The following DDX47 variants were observed in gnomAD, a reference collection of about 807,000 sequenced individuals.
DDX47 encodes the protein DEAD-box helicase 47.
A neutral mutation model predicts 58.8 loss-of-function variants in DDX47; 60 were observed. The ratio of observed to expected loss-of-function variants is 1.02; its 90% CI spans 0.83 to 1.26. DDX47 has a LOEUF of 1.26. Among genes scored for constraint, DDX47 ranks in the 50% most tolerant of loss-of-function variants. The probability of loss-of-function intolerance (pLI) is 0.00; values close to 1 mark genes in which losing one functional copy is unlikely to be tolerated. For synonymous variants in DDX47, 197 were observed against 204.6 expected (o/e 0.96, Z 0.32); for missense variants, 530 against 573.2 (o/e 0.92, Z 0.77).
At chr12:12,827,132 C>T (rs1216038936) in intron 10 of DDX47, 114 bp from the exon 11 acceptor site, 11 of 1,283,908 alleles carry the variant, frequency 8.6e-6, no homozygotes, top group Non-Finnish European at 2.2e-6. Context: ...ATAATATGTT[C>T]AATATTGTTT....
chr12:12,817,013 A>G (rs1862906881), intron 2 of DDX47, among the ~76,000 whole-genome samples: 1 of 152,226 alleles, frequency 6.6e-6, no homozygotes, highest in Admixed American at 6.5e-5. Flanking sequence ...AATGATCACC[A>G]TAGAAATGTC....
At chr12:12,828,516 G>A (rs1179009881) in intron 11 of DDX47, among the ~76,000 whole-genome samples, 1 of 152,152 alleles carries the variant, frequency 6.6e-6, no homozygotes, top group Non-Finnish European at 1.5e-5. Flanking sequence ...CAGTAATAGT[G>A]GTGATGAGAA....
At position 12,825,905 on chromosome 12, in the gene DDX47, T is replaced by C; in HGVS notation, c.1036-95T>C. The stretch of plus-strand genomic sequence containing the variant: ...CTCCATGTTACGAAATGAATCTATT[T>C]TCTTTCAAAGGTTTTGCAGCAGGAC... On this transcript the variant is annotated intron_variant, in intron 9 of 11. Coordinates refer to ENST00000358007, the MANE Select transcript of DDX47 (RefSeq NM_016355.4). 5.5e-6 allele frequency: 5 copies of C among 911,396 alleles called. No homozygotes were observed. The South Asian group carries it at 8.2e-5, about 15-fold the overall frequency. 56.5% of individuals were successfully genotyped at this position (911,396 alleles called of 1,614,324 possible).
chr12:12,818,093 A>G (rs1862923344), intron 2 of DDX47, among the ~76,000 whole-genome samples: 1 of 152,184 alleles, frequency 6.6e-6, no homozygotes, highest in Non-Finnish European at 1.5e-5. Context: ...ATTTGCTTGC[A>G]CTGACCTTTA....
At chr12:12,825,176 T>G (rs1290497937) in intron 9 of DDX47, 1 of 153,802 alleles carries the variant, frequency 6.5e-6, no homozygotes, top group Admixed American at 6.5e-5. Flanking sequence ...ACCGTGTTAG[T>G]CAGGACGGTC....
chr12:12,823,940 A>T lies in DDX47; in HGVS notation c.821A>T (p.Asn274Ile). The change falls in exon 8 of 12, where the codon AAT becomes ATT. Residue 274 changes from asparagine to isoleucine, a missense_variant. Physicochemically the swap from Asn to Ile is moderately radical, Grantham distance 149 (BLOSUM62 -3). Coordinates refer to ENST00000358007, the MANE Select transcript of DDX47 (RefSeq NM_016355.4). The stretch of plus-strand genomic sequence containing the variant: ...TTTATGATATTCTGCAGCACCTGTA[A>T]TAATACCCAGAGAACAGCTTTGCTA... ...NSFMIFCSTC[N>I]NTQRTALLLR... The T allele has an allele frequency of 6.2e-7, 1 of 1,614,162 alleles. No individual in the cohort carries two copies. The highest frequency in any genetic ancestry group is 1.1e-5 in the South Asian group (1 of 91,088).
chr12:12,824,328 C>G, intron 8 of DDX47: 1 of 568,164 alleles, frequency 1.8e-6, no homozygotes, highest in Non-Finnish European at 3.0e-6. Context: ...ACCTTTCTAT[C>G]GTGTCAAACT....
chr12:12,815,080 G>A (rs1433941263), intron 2 of DDX47, among the ~76,000 whole-genome samples: 1 of 152,122 alleles, frequency 6.6e-6, no homozygotes, highest in Admixed American at 6.6e-5. Flanking sequence ...AGGCCCAGAG[G>A]TCTTAGTTAA....
In DDX47 at chr12:12,821,951, A is replaced by T. The variant is rs780100620; in HGVS notation, c.443-14A>T. ...TCTGAAATGTCACTGTTTCTCCTCAACCTTTCTTGGTAGCAACTCCTGGTC... is the reference window on the plus strand; with the variant it reads ...TCTGAAATGTCACTGTTTCTCCTCATCCTTTCTTGGTAGCAACTCCTGGTC... On this transcript the variant is annotated splice_polypyrimidine_tract_variant and intron_variant, in intron 4 of 11. Coordinates refer to ENST00000358007, the MANE Select transcript of DDX47 (RefSeq NM_016355.4). The T allele has an allele frequency of 1.3e-6, 2 of 1,570,230 alleles. No individual in the cohort carries two copies. The highest frequency in any genetic ancestry group is 2.7e-5 in the African/African-American group (2 of 73,912).
chr12:12,817,756 A>G (rs927346976), intron 2 of DDX47, among the ~76,000 whole-genome samples: 5 of 152,206 alleles, frequency 3.3e-5, no homozygotes, highest in African/African-American at 1.2e-4. Flanking sequence ...TTCTTCAGAG[A>G]TGAAGAAAGG....
intron 5 of DDX47, 69 bp from the exon 6 acceptor site, chr12:12,822,592 C>A: frequency 7.6e-7 from 1 of 1,315,318 alleles, no homozygotes; most frequent in East Asian, 2.3e-5. Flanking sequence ...ACCTCCTTCA[C>A]TACCTAGAGG....
In DDX47 at chr12:12,829,598, A is replaced by AT. The variant is rs1336600888; in HGVS notation, c.*46dup. On this transcript the variant is annotated 3_prime_UTR_variant, in exon 12 of 12. Transcript: ENST00000358007. The stretch of plus-strand genomic sequence containing the variant: ...GAGTTCTGCTGTTCTGTAAAAGAGA[A>AT]TTGGAGAATGAAACCTGCTCCAACA... 6.3e-7 allele frequency: 1 copy of AT among 1,599,522 alleles called. No individual in the cohort carries two copies. Among genetic ancestry groups the AT allele is most frequent in the Non-Finnish European group, 8.5e-7 (1 of 1,173,824 alleles).
Position 12,829,580 on chromosome 12 carries a change from G to A in DDX47, c.*26G>A. 2 of 1,607,892 alleles carry A rather than the reference G, an allele frequency of 1.2e-6. No individual in the cohort carries two copies. The highest frequency in any genetic ancestry group is 1.7e-6 in the Non-Finnish European group (2 of 1,177,878). ...TCACTTTTATGAAGGCTCGAGTTCT[G>A]CTGTTCTGTAAAAGAGAATTGGAGA... On this transcript the variant is annotated 3_prime_UTR_variant, in exon 12 of 12. Coordinates refer to ENST00000358007, the MANE Select transcript of DDX47 (RefSeq NM_016355.4).
intron 1 of DDX47, 106 bp downstream of exon 1, chr12:12,813,560 G>T: frequency 1.9e-6 from 2 of 1,073,656 alleles, no homozygotes; most frequent in African/African-American, 1.6e-5. Flanking sequence ...GCATCTTGGG[G>T]CCTAGCTTGG....
chr12:12,818,941 G>A (rs1250664466), intron 2 of DDX47, among the ~76,000 whole-genome samples: 1 of 152,190 alleles, frequency 6.6e-6, no homozygotes, highest in African/African-American at 2.4e-5. Context: ...CCCACAACAT[G>A]TGGAAATTAT....
At position 12,823,324 on chromosome 12, in the gene DDX47, A is replaced by G; in HGVS notation, c.750+5A>G. On this transcript the variant is annotated splice_donor_5th_base_variant and intron_variant, in intron 7 of 11. Transcript: ENST00000358007. ...TTTATTCCCTCTAAATTCAAGGTAA[A>G]ATGTTTACTTTGATCATTCCTGCCT... 2 of 1,493,748 alleles carry G rather than the reference A, an allele frequency of 1.3e-6. No homozygotes were observed. Among genetic ancestry groups the G allele is most frequent in the Non-Finnish European group, 1.9e-6 (2 of 1,070,650 alleles). 92.5% of individuals were successfully genotyped at this position (1,493,748 alleles called of 1,614,324 possible). A position where few individuals can be genotyped will look rare whatever the true frequency, so the allele number is the denominator to read the frequency against.
At chr12:12,829,379 C>T in intron 11 of DDX47, 44 bp from the exon 12 acceptor site, 1 of 1,573,776 alleles carries the variant, frequency 6.4e-7, no homozygotes, top group Non-Finnish European at 8.6e-7. Context: ...ACCTTCAGTG[C>T]CAGTAATTCA....
Position 12,823,288 on chromosome 12 carries a change from A to C in DDX47, c.719A>C (p.Gln240Pro). The change falls in exon 7 of 12, where the codon CAA becomes CCA. Residue 240 changes from glutamine (Q) to proline (P), a missense_variant. Gln to Pro is a moderately conservative substitution (Grantham distance 76). Coordinates refer to ENST00000358007, the MANE Select transcript of DDX47 (RefSeq NM_016355.4). ...SKYQTVEKLQ[Q>P]YYIFIPSKFK... ...TACCAGACAGTTGAAAAATTACAGC[A>C]ATATTATATTTTTATTCCCTCTAAA... 6.2e-7 allele frequency: 1 copy of C among 1,601,902 alleles called. No homozygotes were observed. The highest frequency in any genetic ancestry group is 1.7e-5 in the Admixed American group (1 of 60,002).
At chr12:12,824,435 A>C in intron 8 of DDX47, 105 bp from the exon 9 acceptor site, 2 of 1,341,638 alleles carry the variant, frequency 1.5e-6, no homozygotes, top group Non-Finnish European at 2.0e-6. Context: ...AGGGGGAAAA[A>C]CCTTTAAAAA....
Sources: allele counts gnomAD v4.1 joint callset (sites outside exome capture counted in the v4.1 genomes callset), GRCh38; gene constraint gnomAD v4.1.1; transcripts MANE v1.5; gene names NCBI Gene and HGNC (gene_info 2026-07-23, HGNC 2026-07-21).